The following AFF3 variants were observed in gnomAD, a reference collection of about 807,000 sequenced individuals.
AFF3 encodes ALF transcription elongation factor 3.
In AFF3, 32 loss-of-function variants were observed where a neutral mutation model predicts 129.7. That is an observed-to-expected ratio of 0.25 (90% confidence interval 0.19 to 0.33). The LOEUF is 0.33. Ranked by LOEUF, AFF3 falls within the 10% of genes least tolerant of loss-of-function variation. The pLI, the probability that AFF3 is intolerant of heterozygous loss-of-function variation, is 1.00. For synonymous variants in AFF3, 644 were observed against 635.4 expected (o/e 1.01, Z -0.20); for missense variants, 1,373 against 1,592.0 (o/e 0.86, Z 2.34).
chr2:99,961,911 A>C (rs1444244132), intron 7 of AFF3, among the ~76,000 whole-genome samples: 1 of 152,184 alleles, frequency 6.6e-6, no homozygotes, highest in African/African-American at 2.4e-5. Context: ...CACCCCACTG[A>C]AAAAACTTGG....
At chr2:99,556,660 A>G (rs1401052656) in intron 22 of AFF3, among the ~76,000 whole-genome samples, 2 of 152,150 alleles carry the variant, frequency 1.3e-5, no homozygotes, top group Admixed American at 6.5e-5. Context: ...TATGGCTCAC[A>G]TTGGTAATCC....
intron 7 of AFF3, among the ~76,000 whole-genome samples, chr2:99,960,615 G>A (rs1352620369): frequency 4.6e-5 from 7 of 152,110 alleles, no homozygotes; most frequent in Non-Finnish European, 8.8e-5. Context: ...ACAACCTTTC[G>A]TTAAGAAGTC....
intron 8 of AFF3, among the ~76,000 whole-genome samples, chr2:99,771,622 T>A (rs1419241606): frequency 6.6e-6 from 1 of 152,184 alleles, no homozygotes; most frequent in Non-Finnish European, 1.5e-5. Context: ...GACCTTATGA[T>A]TCCCCCAATA....
chr2:100,142,234 A>G (rs1692919238), intron 1 of AFF3, among the ~76,000 whole-genome samples: 1 of 152,094 alleles, frequency 6.6e-6, no homozygotes, highest in Admixed American at 6.6e-5. Flanking sequence ...ACACATGCAC[A>G]CGCACACACA....
chr2:99,749,908 G>C (rs1253492456), intron 9 of AFF3, among the ~76,000 whole-genome samples: 1 of 152,180 alleles, frequency 6.6e-6, no homozygotes, highest in African/African-American at 2.4e-5. Context: ...TATTGACATA[G>C]GGTATTTCAA....
chr2:100,133,300 TA>T (rs949973501), intron 1 of AFF3, among the ~76,000 whole-genome samples: 7 of 150,790 alleles, frequency 4.6e-5, no homozygotes, highest in Non-Finnish European at 8.9e-5. Context: ...TAAAAACAAT[TA>T]AAAAAAAACA....
intron 7 of AFF3, among the ~76,000 whole-genome samples, chr2:99,917,737 C>T (rs1246859027): frequency 2.6e-5 from 4 of 152,102 alleles, no homozygotes; most frequent in Non-Finnish European, 5.9e-5. Context: ...GTATCTATCT[C>T]ATTAACAGTA....
intron 7 of AFF3, among the ~76,000 whole-genome samples, chr2:99,889,570 T>C (rs1404605050): frequency 6.6e-6 from 1 of 152,216 alleles, no homozygotes; most frequent in Non-Finnish European, 1.5e-5. Flanking sequence ...TTAAAAGCTA[T>C]AATGCTATCT....
At chr2:99,654,270 C>G (rs1312790460) in intron 12 of AFF3, among the ~76,000 whole-genome samples, 4 of 152,270 alleles carry the variant, frequency 2.6e-5, no homozygotes, top group Middle Eastern at 3.4e-3. Context: ...AACTCACCAT[C>G]TATTATGAAA....
chr2:99,631,705 TGATATTCCAGTGTACA>T (rs1683133570), intron 13 of AFF3, among the ~76,000 whole-genome samples: 1 of 152,242 alleles, frequency 6.6e-6, no homozygotes, highest in Admixed American at 6.5e-5. Flanking sequence ...TAATGCTGAA[TGATATTCCAGTGTACA>T]GATATGCCAG....
chr2:100,052,597 C>CA (rs986865560), intron 4 of AFF3, among the ~76,000 whole-genome samples: 3 of 152,206 alleles, frequency 2.0e-5, no homozygotes, highest in Non-Finnish European at 4.4e-5. Flanking sequence ...GGTCTGTCTC[C>CA]AGTCCTCCCT....
chr2:99,925,082 T>C (rs1464053977), intron 7 of AFF3, among the ~76,000 whole-genome samples: 1 of 152,004 alleles, frequency 6.6e-6, no homozygotes, highest in Non-Finnish European at 1.5e-5. Context: ...CTTACTATGT[T>C]GCCTAGGATG....
chr2:99,993,582 A>G (rs974683960), intron 7 of AFF3, among the ~76,000 whole-genome samples: 1 of 151,810 alleles, frequency 6.6e-6, no homozygotes, highest in Non-Finnish European at 1.5e-5. Flanking sequence ...ATATACAAAA[A>G]CGAGAGAGAG....
intron 4 of AFF3, among the ~76,000 whole-genome samples, chr2:100,029,071 A>G (rs1464945697): frequency 2.6e-5 from 4 of 152,308 alleles, no homozygotes; most frequent in African/African-American, 9.6e-5. Context: ...ATAGAATGGA[A>G]TATTATTCAA....
chr2:99,740,817 A>C (rs938285583), intron 10 of AFF3, among the ~76,000 whole-genome samples: 1 of 151,944 alleles, frequency 6.6e-6, no homozygotes, highest in African/African-American at 2.4e-5. Flanking sequence ...TCTTTAGTTT[A>C]ATTAGATGCC....
intron 11 of AFF3, among the ~76,000 whole-genome samples, chr2:99,719,078 G>T (rs1273929826): frequency 1.4e-5 from 2 of 139,436 alleles, no homozygotes; most frequent in Admixed American, 7.5e-5. Flanking sequence ...TTTCCTGATG[G>T]CCATCATTAG....
intron 7 of AFF3, among the ~76,000 whole-genome samples, chr2:100,001,486 T>C (rs895708983): frequency 6.6e-6 from 1 of 152,252 alleles, no homozygotes; most frequent in African/African-American, 2.4e-5. Flanking sequence ...TGGACTGCAG[T>C]GGCATGATCT....
chr2:99,789,149 G>C (rs1381710128), intron 8 of AFF3, among the ~76,000 whole-genome samples: 1 of 152,138 alleles, frequency 6.6e-6, no homozygotes, highest in Non-Finnish European at 1.5e-5. Context: ...ATTTTAATAA[G>C]TTGTTGGCCA....
intron 11 of AFF3, among the ~76,000 whole-genome samples, chr2:99,679,046 T>C (rs1674281027): frequency 6.6e-6 from 1 of 152,222 alleles, no homozygotes; most frequent in Admixed American, 6.5e-5. Flanking sequence ...GTTGGCAATT[T>C]AGTGCATCCA....
Sources: allele counts gnomAD v4.1 joint callset (sites outside exome capture counted in the v4.1 genomes callset), GRCh38; gene constraint gnomAD v4.1.1; transcripts MANE v1.5; gene names NCBI Gene and HGNC (gene_info 2026-07-23, HGNC 2026-07-21).